The following WWC2 variants were observed in gnomAD, a reference collection of about 807,000 sequenced individuals.
WWC2 encodes the protein WW and C2 domain containing 2, also known as protein WWC2.
Under a neutral mutation model 138.5 loss-of-function variants are expected in WWC2, and 101 were observed. That is an observed-to-expected ratio of 0.73 (90% confidence interval 0.62 to 0.86). WWC2 has a LOEUF of 0.86. Among genes scored for constraint, WWC2 ranks in the 40% least tolerant of loss-of-function variants. The pLI is 0.00. For synonymous variants in WWC2, 558 were observed against 538.4 expected (o/e 1.04, Z -0.50); for missense variants, 1,420 against 1,419.4 (o/e 1.00, Z -0.01).
intron 11 of WWC2, among the ~76,000 whole-genome samples, chr4:183,263,128 A>G (rs1737386155): frequency 6.6e-6 from 1 of 152,226 alleles, no homozygotes; most frequent in Non-Finnish European, 1.5e-5. Flanking sequence ...AAGAAAGAGA[A>G]GAAAATGGAA....
chr4:183,219,366 CAA>C (rs1455341771), intron 4 of WWC2, among the ~76,000 whole-genome samples: 6 of 151,892 alleles, frequency 4.0e-5, no homozygotes, highest in African/African-American at 1.2e-4. Flanking sequence ...TTCAGACAAA[CAA>C]GAGAACTGAG....
intron 1 of WWC2, among the ~76,000 whole-genome samples, chr4:183,159,171 A>G (rs1474496451): frequency 6.6e-6 from 1 of 152,232 alleles, no homozygotes; most frequent in Non-Finnish European, 1.5e-5. Context: ...TGTTTTTAAA[A>G]CAGATATTAC....
intron 1 of WWC2, among the ~76,000 whole-genome samples, chr4:183,132,021 T>C (rs376287836): frequency 1.3e-5 from 2 of 152,348 alleles, no homozygotes; most frequent in African/African-American, 4.8e-5. Context: ...TATTTTTGTG[T>C]TGCAGTTCAG....
chr4:183,215,702 C>T lies in WWC2; in HGVS notation c.522+6677C>T, dbSNP rs560737277. ...TCTAGCTTTGAAGGGTATGAAACTGCAGGCTAAATATGTATTTTAAAAAAG... is the reference window on the plus strand; with the variant it reads ...TCTAGCTTTGAAGGGTATGAAACTGTAGGCTAAATATGTATTTTAAAAAAG... On this transcript the variant is annotated intron_variant, in intron 4 of 22. Coordinates refer to ENST00000403733, the MANE Select transcript of WWC2 (RefSeq NM_024949.6). 8.5e-5 allele frequency among the ~76,000 whole-genome samples: 13 copies of T among 152,212 alleles called. No homozygotes were observed. The East Asian group carries it at 2.3e-3, about 27-fold the overall frequency.
At chr4:183,182,950 C>A (rs1043961562) in intron 1 of WWC2, among the ~76,000 whole-genome samples, 2 of 152,164 alleles carry the variant, frequency 1.3e-5, no homozygotes, top group Non-Finnish European at 2.9e-5. Context: ...CCTTCCTACT[C>A]TTCTTCCATT....
At chr4:183,308,624 T>G (rs1739101831) in intron 21 of WWC2, among the ~76,000 whole-genome samples, 1 of 152,210 alleles carries the variant, frequency 6.6e-6, no homozygotes, top group African/African-American at 2.4e-5. Context: ...TGGACACAGA[T>G]GCTCAAGTCC....
chr4:183,253,355 A>G (rs761090198), intron 8 of WWC2, among the ~76,000 whole-genome samples: 9 of 152,020 alleles, frequency 5.9e-5, no homozygotes, highest in Non-Finnish European at 1.2e-4. Context: ...GACATCATTC[A>G]CCTCAGTTTT....
chr4:183,228,315 A>G (rs1736131305), intron 4 of WWC2, among the ~76,000 whole-genome samples: 1 of 152,132 alleles, frequency 6.6e-6, no homozygotes, highest in African/African-American at 2.4e-5. Context: ...CAGAAAATCC[A>G]CAATCATAGT....
At chr4:183,215,214 A>G (rs1473145283) in intron 4 of WWC2, among the ~76,000 whole-genome samples, 4 of 152,256 alleles carry the variant, frequency 2.6e-5, no homozygotes, top group Non-Finnish European at 5.9e-5. Flanking sequence ...TCATCGCATT[A>G]TACTTTAATA....
chr4:183,226,083 T>G (rs933266646), intron 4 of WWC2, among the ~76,000 whole-genome samples: 2 of 146,882 alleles, frequency 1.4e-5, no homozygotes, highest in Admixed American at 6.7e-5. Flanking sequence ...AACTTTTCTT[T>G]TCTTTTCTTT....
At chr4:183,243,200 T>C (rs1361970359) in intron 5 of WWC2, among the ~76,000 whole-genome samples, 1 of 152,212 alleles carries the variant, frequency 6.6e-6, no homozygotes, top group Admixed American at 6.5e-5. Flanking sequence ...AATGATAAAG[T>C]TTATGTTCAT....
intron 19 of WWC2, among the ~76,000 whole-genome samples, chr4:183,285,409 A>C (rs768760047): frequency 6.6e-6 from 1 of 152,256 alleles, no homozygotes; most frequent in East Asian, 1.9e-4. Flanking sequence ...ATTTCATTTC[A>C]AAAAATATAT....
At chr4:183,128,156 T>C (rs140393776) in intron 1 of WWC2, among the ~76,000 whole-genome samples, 1,651 of 151,640 alleles carry the variant, frequency 0.011, 33 homozygotes, top group African/African-American at 0.038. Flanking sequence ...CTGGCCAATA[T>C]GGTGAAACCC....
intron 1 of WWC2, among the ~76,000 whole-genome samples, chr4:183,180,459 C>T (rs1734595927): frequency 6.6e-6 from 1 of 150,992 alleles, no homozygotes; most frequent in African/African-American, 2.5e-5. Context: ...GTTCTGAAAC[C>T]TGGCCAGTCT....
At chr4:183,163,562 C>T (rs1734021214) in intron 1 of WWC2, among the ~76,000 whole-genome samples, 1 of 152,180 alleles carries the variant, frequency 6.6e-6, no homozygotes, top group Non-Finnish European at 1.5e-5. Flanking sequence ...TGCGAAACAG[C>T]TGACTACCAA....
chr4:183,231,392 C>A (rs1736242858), intron 4 of WWC2, among the ~76,000 whole-genome samples: 2 of 150,480 alleles, frequency 1.3e-5, no homozygotes, highest in South Asian at 4.2e-4. Context: ...GCCTCAGCCT[C>A]CTGAGTAGCT....
intron 6 of WWC2, among the ~76,000 whole-genome samples, chr4:183,246,685 A>G (rs1736791468): frequency 6.6e-6 from 1 of 152,240 alleles, no homozygotes; most frequent in South Asian, 2.1e-4. Context: ...CAGAAAAATT[A>G]AAGTTTCTTA....
intron 1 of WWC2, among the ~76,000 whole-genome samples, chr4:183,185,811 G>A (rs944958131): frequency 4.6e-5 from 7 of 151,992 alleles, no homozygotes; most frequent in African/African-American, 1.7e-4. Flanking sequence ...AATGGAAAAA[G>A]TATACCTACT....
rs553037055 is a variant in WWC2 at position 183,119,812 on chromosome 4, T to C, written c.131+20190T>C. ...AACCCATTGAGGGAAGTTTTTTATG[T>C]GTAAATCATGGAAGTCTCTTAGTAC... On this transcript the variant is annotated intron_variant, in intron 1 of 22. Transcript: ENST00000403733. Among the ~76,000 whole-genome samples the C allele has an allele frequency of 3.0e-4, 46 of 152,304 alleles. 3 individuals carry two copies. Among genetic ancestry groups the C allele is most frequent in the Admixed American group, 2.9e-3 (45 of 15,306 alleles).
Sources: gnomAD v4.1 joint callset for allele counts (sites outside exome capture counted in the v4.1 genomes callset) on GRCh38, gnomAD v4.1.1 for gene constraint, MANE v1.5 for transcripts, NCBI Gene and HGNC (gene_info 2026-07-23, HGNC 2026-07-21) for gene names.